The following WWOX variants were observed in gnomAD, a reference collection of about 807,000 sequenced individuals.
WWOX encodes the protein WW domain containing oxidoreductase.
A neutral mutation model predicts 46.2 loss-of-function variants in WWOX; 69 were observed. That is an observed-to-expected ratio of 1.49 (90% CI 1.23 to 1.82). The LOEUF (loss-of-function observed/expected upper bound fraction) is 1.82. Among genes scored for constraint, WWOX ranks in the 40% most tolerant of loss-of-function variants. The probability of loss-of-function intolerance (pLI) is 0.00; values close to 1 mark genes in which losing one functional copy is unlikely to be tolerated. For missense variants in WWOX, 919 were observed against 542.6 expected (o/e 1.69, Z -6.89); for synonymous variants, 359 against 202.6 (o/e 1.77, Z -6.56).
At position 78,337,907 on chromosome 16, in the gene WWOX, G is replaced by T. The variant is rs149861771; in HGVS notation, c.517-48953G>T. Among the ~76,000 whole-genome samples, 179 of 114,788 alleles carry T rather than the reference G, an allele frequency of 1.6e-3. 37 individuals are homozygous for T. Among genetic ancestry groups the T allele is most frequent in the African/African-American group, 5.2e-3 (176 of 33,770 alleles). The allele number at this position is 114,788 out of a possible 152,430, so 75.3% of individuals were successfully genotyped here. On this transcript the variant is annotated intron_variant, in intron 5 of 8. Coordinates refer to ENST00000566780, the MANE Select transcript of WWOX (RefSeq NM_016373.4). ...AGAAGCGCCCTCTCTGTTCCTGGCA[G>T]TGCCTGTCCTGCTAACCTCGTGTCT...
chr16:78,577,278 C>T (rs2941936), intron 8 of WWOX, among the ~76,000 whole-genome samples: 1 of 152,202 alleles, frequency 6.6e-6, no homozygotes, highest in South Asian at 2.1e-4. Flanking sequence ...AACAGACTTT[C>T]TGTCCAGTTT....
intron 8 of WWOX, chr16:79,205,536 T>G (rs1210485364): frequency 6.6e-6 from 1 of 152,224 alleles, no homozygotes; most frequent in Non-Finnish European, 1.5e-5. Context: ...CAGAACACTT[T>G]CTCACACTTC....
intron 8 of WWOX, among the ~76,000 whole-genome samples, chr16:78,850,277 C>A (rs748089838): frequency 6.6e-6 from 1 of 152,216 alleles, no homozygotes; most frequent in East Asian, 1.9e-4. Context: ...TTGGTTAACC[C>A]ATTCAGATTT....
At chr16:78,996,994 G>A (rs977028441) in intron 8 of WWOX, among the ~76,000 whole-genome samples, 2 of 152,188 alleles carry the variant, frequency 1.3e-5, no homozygotes, top group Admixed American at 1.3e-4. Flanking sequence ...GCAGTCCCTC[G>A]CTCAAATGTG....
chr16:78,778,442 T>C (rs905585630), intron 8 of WWOX, among the ~76,000 whole-genome samples: 2 of 152,222 alleles, frequency 1.3e-5, no homozygotes, highest in African/African-American at 4.8e-5. Context: ...GTATGATTGA[T>C]GCATGTGTTG....
chr16:79,091,846 T>C (rs1481996659), intron 8 of WWOX, among the ~76,000 whole-genome samples: 1 of 147,894 alleles, frequency 6.8e-6, no homozygotes, highest in African/African-American at 2.5e-5. Flanking sequence ...AGTGGTATTA[T>C]CTGGGCTCAC....
chr16:78,209,776 C>A (rs2036501721), intron 5 of WWOX, among the ~76,000 whole-genome samples: 3 of 149,930 alleles, frequency 2.0e-5, no homozygotes, highest in Non-Finnish European at 4.4e-5. Context: ...TAATCATGTA[C>A]AAATATAAAT....
intron 8 of WWOX, among the ~76,000 whole-genome samples, chr16:78,719,113 A>G (rs770476920): frequency 3.3e-4 from 50 of 152,296 alleles, no homozygotes; most frequent in Non-Finnish European, 6.6e-4. Context: ...ACTGGTTTCA[A>G]ATCCAAGCCC....
Position 78,932,983 on chromosome 16 carries a change from G to A in WWOX, c.1057-278625G>A, listed in dbSNP as rs377758521. Among the ~76,000 whole-genome samples, 563 of 152,282 alleles carry A rather than the reference G, an allele frequency of 3.7e-3. 1 individual carries two copies. The highest frequency in any genetic ancestry group is 9.2e-3 in the African/African-American group (382 of 41,572). Reference sequence around the variant, plus strand: ...CATCAGTGTTGAATCAATAGACCACGTCCTGTCCATACCTTGGGAATTAGA... The same window carrying A: ...CATCAGTGTTGAATCAATAGACCACATCCTGTCCATACCTTGGGAATTAGA... On this transcript the variant is annotated intron_variant, in intron 8 of 8. Coordinates refer to ENST00000566780, the MANE Select transcript of WWOX (RefSeq NM_016373.4).
chr16:78,977,611 G>C (rs1486325262), intron 8 of WWOX, among the ~76,000 whole-genome samples: 2 of 152,130 alleles, frequency 1.3e-5, no homozygotes, highest in Non-Finnish European at 2.9e-5. Flanking sequence ...AAATGAAAGG[G>C]GAGAGGAGAT....
chr16:78,549,223 G>T (rs1224978735), intron 8 of WWOX, among the ~76,000 whole-genome samples: 3 of 152,126 alleles, frequency 2.0e-5, no homozygotes, highest in Non-Finnish European at 4.4e-5. Flanking sequence ...ATTAAAATCT[G>T]CATGTTAATA....
intron 5 of WWOX, among the ~76,000 whole-genome samples, chr16:78,373,557 G>T (rs1039795037): frequency 1.3e-5 from 2 of 152,006 alleles, no homozygotes; most frequent in Admixed American, 6.6e-5. Context: ...TTTTTCCTAT[G>T]CTGTGGAAAG....
At chr16:79,180,830 A>C (rs561928703) in intron 8 of WWOX, among the ~76,000 whole-genome samples, 134 of 152,278 alleles carry the variant, frequency 8.8e-4, no homozygotes, top group African/African-American at 3.0e-3. Context: ...CAAAATGAAA[A>C]ACTAGGAAAA....
intron 8 of WWOX, among the ~76,000 whole-genome samples, chr16:78,819,612 C>T (rs2051438085): frequency 7.2e-6 from 1 of 139,252 alleles, no homozygotes; most frequent in Non-Finnish European, 1.7e-5. Flanking sequence ...AGGAGCAGCA[C>T]CTCTGCTCCT....
At chr16:79,141,755 T>G (rs1416166946) in intron 8 of WWOX, among the ~76,000 whole-genome samples, 1 of 152,116 alleles carries the variant, frequency 6.6e-6, no homozygotes, top group Non-Finnish European at 1.5e-5. Context: ...AAGGAAGCAG[T>G]GTCCATTAGG....
intron 8 of WWOX, among the ~76,000 whole-genome samples, chr16:78,868,448 T>C (rs2044053840): frequency 6.8e-6 from 1 of 147,656 alleles, no homozygotes; most frequent in African/African-American, 2.5e-5. Flanking sequence ...GACAAGACTG[T>C]GGTGATGGCT....
intron 8 of WWOX, among the ~76,000 whole-genome samples, chr16:78,923,573 G>C (rs1412798219): frequency 6.6e-6 from 1 of 151,980 alleles, no homozygotes; most frequent in Non-Finnish European, 1.5e-5. Context: ...TCCATTCATA[G>C]TGTGTTAGCA....
At chr16:78,786,479 G>C (rs995847235) in intron 8 of WWOX, among the ~76,000 whole-genome samples, 1 of 152,154 alleles carries the variant, frequency 6.6e-6, no homozygotes, top group Non-Finnish European at 1.5e-5. Flanking sequence ...TGAGTTTTGA[G>C]TACTTAGTAC....
intron 8 of WWOX, among the ~76,000 whole-genome samples, chr16:78,581,494 G>C (rs1192432448): frequency 1.3e-5 from 2 of 152,148 alleles, no homozygotes; most frequent in Non-Finnish European, 2.9e-5. Flanking sequence ...TTAACCCTTT[G>C]AAGTTGTGAC....
Sources: gnomAD v4.1 joint callset for allele counts (sites outside exome capture counted in the v4.1 genomes callset) on GRCh38, gnomAD v4.1.1 for gene constraint, MANE v1.5 for transcripts, NCBI Gene and HGNC (gene_info 2026-07-23, HGNC 2026-07-21) for gene names.